The following SLC24A3 variants were observed in gnomAD, a reference collection of about 807,000 sequenced individuals.
The protein encoded by SLC24A3 is solute carrier family 24 member 3, also known as sodium/potassium/calcium exchanger 3.
A neutral mutation model predicts 75.8 loss-of-function variants in SLC24A3; 28 were observed. The ratio of observed to expected loss-of-function variants is 0.37; its 90% CI spans 0.27 to 0.51. The LOEUF is 0.51. SLC24A3 is among the 20% of genes least tolerant of loss of function. SLC24A3 has a pLI of 0.94. For synonymous variants in SLC24A3, 372 were observed against 334.1 expected (o/e 1.11, Z -1.24); for missense variants, 663 against 847.8 (o/e 0.78, Z 2.71).
intron 6 of SLC24A3, among the ~76,000 whole-genome samples, chr20:19,641,235 A>G (rs1467349416): frequency 6.6e-6 from 1 of 152,144 alleles, no homozygotes; most frequent in Non-Finnish European, 1.5e-5. Context: ...AGTTCAGCCC[A>G]TATACCCATC....
chr20:19,434,065 A>T (rs941579700), intron 2 of SLC24A3, among the ~76,000 whole-genome samples: 2 of 152,246 alleles, frequency 1.3e-5, no homozygotes, highest in African/African-American at 4.8e-5. Context: ...GGTCAGCAAG[A>T]TGCAGTATCA....
intron 2 of SLC24A3, among the ~76,000 whole-genome samples, chr20:19,388,459 C>A (rs1165976221): frequency 6.6e-6 from 1 of 152,160 alleles, no homozygotes; most frequent in African/African-American, 2.4e-5. Flanking sequence ...CGCCTGTAAT[C>A]CCAGCACTTT....
intron 1 of SLC24A3, chr20:19,266,071 A>G (rs1275316059): frequency 6.6e-6 from 1 of 152,534 alleles, no homozygotes; most frequent in African/African-American, 2.4e-5. Flanking sequence ...GCAGGCACCA[A>G]ACTTGCAGTG....
chr20:19,669,260 G>A (rs1459095258), intron 8 of SLC24A3, among the ~76,000 whole-genome samples: 2 of 152,192 alleles, frequency 1.3e-5, no homozygotes, highest in Non-Finnish European at 2.9e-5. Context: ...CCAGCTCTTT[G>A]GGAGGCTGAG....
chr20:19,592,874 C>T (rs2031398962), intron 6 of SLC24A3, among the ~76,000 whole-genome samples: 1 of 145,108 alleles, frequency 6.9e-6, no homozygotes, highest in African/African-American at 2.5e-5. Flanking sequence ...TGGCTCACTA[C>T]AACCTCCACC....
At chr20:19,442,950 C>T (rs993672470) in intron 2 of SLC24A3, among the ~76,000 whole-genome samples, 1 of 152,146 alleles carries the variant, frequency 6.6e-6, no homozygotes, top group Non-Finnish European at 1.5e-5. Flanking sequence ...TAAATACTGT[C>T]TTTTCTCTAT....
At chr20:19,282,387 C>T (rs1260039722) in intron 2 of SLC24A3, among the ~76,000 whole-genome samples, 2 of 152,242 alleles carry the variant, frequency 1.3e-5, no homozygotes, top group East Asian at 3.8e-4. Context: ...GCTGTTGTTC[C>T]ATGCTCACAA....
In SLC24A3 at chr20:19,690,388, C is replaced by T. The variant is rs187592581; in HGVS notation, c.1325-2871C>T. 9.5e-4 allele frequency among the ~76,000 whole-genome samples: 144 copies of T among 152,308 alleles called. 1 individual carries two copies. Among genetic ancestry groups the T allele is most frequent in the Non-Finnish European group, 5.6e-4 (38 of 68,026 alleles). On this transcript the variant is annotated intron_variant, in intron 12 of 16. Coordinates refer to ENST00000328041, the MANE Select transcript of SLC24A3 (RefSeq NM_020689.4). ...AACTTTGTCTAATCAATATCATTTT[C>T]CAAGCTCTTGCACTCGTAAATTCTG...
intron 3 of SLC24A3, among the ~76,000 whole-genome samples, chr20:19,520,164 G>T (rs1568642680): frequency 6.6e-6 from 1 of 152,188 alleles, no homozygotes; most frequent in Non-Finnish European, 1.5e-5. Flanking sequence ...AGTCTGTTTG[G>T]TAGGAGGGCT....
chr20:19,381,281 A>G (rs1178330623), intron 2 of SLC24A3, among the ~76,000 whole-genome samples: 1 of 152,354 alleles, frequency 6.6e-6, no homozygotes, highest in East Asian at 1.9e-4. Context: ...CATGGAGCTT[A>G]CATTCTGGTT....
intron 2 of SLC24A3, among the ~76,000 whole-genome samples, chr20:19,427,707 A>G (rs1449748356): frequency 6.6e-6 from 1 of 152,130 alleles, no homozygotes; most frequent in Non-Finnish European, 1.5e-5. Flanking sequence ...TCCTGGGCTG[A>G]CCCAGAGAGG....
intron 6 of SLC24A3, among the ~76,000 whole-genome samples, chr20:19,613,948 A>T (rs575591835): frequency 6.6e-6 from 1 of 152,262 alleles, no homozygotes; most frequent in East Asian, 1.9e-4. Flanking sequence ...ACCCGCTTAC[A>T]CCACCCTTGT....
intron 1 of SLC24A3, among the ~76,000 whole-genome samples, chr20:19,252,650 G>GGA (rs1555783957): frequency 1.4e-5 from 2 of 148,136 alleles, no homozygotes; most frequent in African/African-American, 4.9e-5. Context: ...TGGCGGGGGG[G>GGA]GGTGCCTGTT....
At chr20:19,634,751 G>A (rs995031872) in intron 6 of SLC24A3, among the ~76,000 whole-genome samples, 2 of 152,020 alleles carry the variant, frequency 1.3e-5, no homozygotes, top group Non-Finnish European at 2.9e-5. Context: ...GATAGATGAG[G>A]TGATTGACTG....
intron 3 of SLC24A3, among the ~76,000 whole-genome samples, chr20:19,560,226 G>A (rs187366404): frequency 1.3e-5 from 2 of 152,272 alleles, no homozygotes; most frequent in Admixed American, 6.5e-5. Context: ...GAGGACAACT[G>A]GGGCTCGATC....
At chr20:19,337,451 A>G (rs927776903) in intron 2 of SLC24A3, among the ~76,000 whole-genome samples, 3 of 106,660 alleles carry the variant, frequency 2.8e-5, no homozygotes, top group African/African-American at 1.8e-4. Flanking sequence ...TCTCAAAATA[A>G]GTAAATAAAT....
At chr20:19,353,579 G>T (rs994615270) in intron 2 of SLC24A3, among the ~76,000 whole-genome samples, 4 of 152,182 alleles carry the variant, frequency 2.6e-5, no homozygotes, top group African/African-American at 9.7e-5. Flanking sequence ...ATTAAGACAT[G>T]ATCCTTGTGC....
At chr20:19,684,987 C>A in intron 11 of SLC24A3, 113 bp from the exon 12 acceptor site, 2 of 1,361,880 alleles carry the variant, frequency 1.5e-6, no homozygotes, top group Non-Finnish European at 2.0e-6. Context: ...ACTCCAGGGT[C>A]TTCTGGAAGC....
At chr20:19,690,830 A>T (rs1342598989) in intron 12 of SLC24A3, among the ~76,000 whole-genome samples, 1 of 151,974 alleles carries the variant, frequency 6.6e-6, no homozygotes, top group Non-Finnish European at 1.5e-5. Context: ...ATCTAACAAG[A>T]CTCATAGCAG....
Sources: gnomAD v4.1 joint callset for allele counts (sites outside exome capture counted in the v4.1 genomes callset) on GRCh38, gnomAD v4.1.1 for gene constraint, MANE v1.5 for transcripts, NCBI Gene and HGNC (gene_info 2026-07-23, HGNC 2026-07-21) for gene names.